The following IGSF10 variants were observed in gnomAD, a reference collection of about 807,000 sequenced individuals.
The protein encoded by IGSF10 is calvaria mechanical force protein 608.
IGSF10 carries 126 observed loss-of-function variants against 128.2 expected under a neutral mutation model. That is an observed-to-expected ratio of 0.98 (90% confidence interval 0.85 to 1.14). IGSF10 has a LOEUF of 1.14. Ranked by LOEUF, IGSF10 falls within the 50% of genes most tolerant of loss-of-function variation. The probability of loss-of-function intolerance (pLI) is 0.00; values close to 1 mark genes in which losing one functional copy is unlikely to be tolerated. For missense variants in IGSF10, 3,295 were observed against 3,149.8 expected (o/e 1.05, Z -1.10); for synonymous variants, 1,185 against 1,146.2 (o/e 1.03, Z -0.68).
chr3:151,513,703 A>T, the IGSF10 span, among the ~76,000 whole-genome samples: 1 of 152,226 alleles, frequency 6.6e-6, no homozygotes, highest in African/African-American at 2.4e-5. Flanking sequence ...AGATGACATG[A>T]TTGTATATCT....
the IGSF10 span, among the ~76,000 whole-genome samples, chr3:151,600,647 T>C: frequency 6.6e-6 from 1 of 152,238 alleles, no homozygotes; most frequent in Middle Eastern, 3.4e-3. Context: ...GTGCAGGGCA[T>C]TTGTGTATTT....
At chr3:151,442,899 C>T (rs1720942721) in intron 7 of IGSF10, 85 bp downstream of exon 7, 3 of 1,239,526 alleles carry the variant, frequency 2.4e-6, no homozygotes, top group African/African-American at 3.0e-5. Context: ...CTGCTGCTAG[C>T]CTCACTGTGT....
At position 151,449,048 on chromosome 3, in the gene IGSF10, T is replaced by G; in HGVS notation, c.933A>C (p.Ala311=). 6.2e-7 allele frequency: 1 copy of G among 1,614,162 alleles called. No individual in the cohort carries two copies. The highest frequency in any genetic ancestry group is 8.5e-7 in the Non-Finnish European group (1 of 1,180,022). The part of the protein sequence containing the change: ...SAFISPQGFM[A]PFGSLTLNMT... ...TATTCAAAGTGAGGGAGCCAAAGGG[T>G]GCCATGAAACCTTGGGGAGAGATGA... The change falls in exon 6 of 8, where the codon GCA becomes GCC. Residue 311 remains alanine (A), a synonymous_variant. Transcript: ENST00000282466.
chr3:151,505,949 C>CTTTT, the IGSF10 span, among the ~76,000 whole-genome samples: 9 of 12,656 alleles, frequency 7.1e-4, no homozygotes, highest in Admixed American at 1.3e-3. Context: ...CTTCTTCTTC[C>CTTTT]TTTTTTTTTT....
At chr3:151,555,910 C>T in the IGSF10 span, among the ~76,000 whole-genome samples, 8 of 152,152 alleles carry the variant, frequency 5.3e-5, 1 homozygote, top group South Asian at 2.1e-4. Flanking sequence ...TTAGTAATTA[C>T]GCCTCTGTAA....
Position 151,443,702 on chromosome 3 carries a change from C to G in IGSF10, c.5245G>C (p.Glu1749Gln), listed in dbSNP as rs1388845759. Residue 1749 changes from glutamate to glutamine, a missense_variant, in exon 7 of 8, where the codon GAG becomes CAG. Glu to Gln is a conservative substitution (Grantham distance 29). Transcript: ENST00000282466. Reference sequence around the variant, plus strand: ...ACTGTGATCTCTTTGGTACGTCTCTCCAGGATCCTGGGAGGATAGGAAACC... The same window carrying G: ...ACTGTGATCTCTTTGGTACGTCTCTGCAGGATCCTGGGAGGATAGGAAACC... The part of the protein sequence containing the change: ...SVVSYPPRIL[E>Q]RRTKEITVHS... The G allele has an allele frequency of 1.2e-6, 2 of 1,614,040 alleles. No individual in the cohort carries two copies. The highest frequency in any genetic ancestry group is 1.3e-5 in the African/African-American group (1 of 74,908).
rs779635861 is a variant in IGSF10, at chr3:151,443,285, G to C, written c.5662C>G (p.Gln1888Glu). Residue 1888 changes from glutamine to glutamate, a missense_variant, in exon 7 of 8, where the codon CAG (glutamine) becomes GAG (glutamate). By Grantham distance (29) the Gln-to-Glu change is conservative. Transcript: ENST00000282466. ...LSDGTEVKPL[Q>E]FTNSKLFLFS... ...AAGAACAACTTGGAATTGGTAAACT[G>C]TAATGGTTTCACTTCAGTGCCATCA... is the stretch of plus-strand genomic sequence containing the variant. The C allele has an allele frequency of 3.8e-5, 61 of 1,613,420 alleles. No individual in the cohort carries two copies. Among genetic ancestry groups the C allele is most frequent in the Non-Finnish European group, 4.3e-5 (51 of 1,179,660 alleles).
the IGSF10 span, among the ~76,000 whole-genome samples, chr3:151,523,181 G>A: frequency 1.3e-5 from 2 of 152,032 alleles, no homozygotes; most frequent in Admixed American, 6.6e-5. Context: ...ACAAACTAAT[G>A]GAAACACATC....
the IGSF10 span, among the ~76,000 whole-genome samples, chr3:151,552,054 G>A: frequency 3.3e-5 from 5 of 152,120 alleles, no homozygotes; most frequent in Admixed American, 3.3e-4. Context: ...CTGGTGGGAG[G>A]TGATTGGGTC....
At chr3:151,432,640 TTC>T (rs1719665376), downstream of IGSF10, 1 of 777,442 alleles carries the variant, frequency 1.3e-6, no homozygotes, top group Non-Finnish European at 2.2e-6. Context: ...TCTCCGGCCA[TTC>T]TGTTTCCCTG....
chr3:151,435,074 TTTTTTTTTC>T, downstream of IGSF10: 1 of 150,894 alleles, frequency 6.6e-6, no homozygotes, highest in East Asian at 1.9e-4. Context: ...TTTTTTTTTT[TTTTTTTTTC>T]TTTTCTTGCA....
chr3:151,593,221 TC>T, the IGSF10 span, among the ~76,000 whole-genome samples: 1 of 151,972 alleles, frequency 6.6e-6, no homozygotes, highest in Non-Finnish European at 1.5e-5. Flanking sequence ...GCCTTGATTC[TC>T]CCACCTCAGC....
the IGSF10 span, among the ~76,000 whole-genome samples, chr3:151,528,651 G>A: frequency 6.4e-4 from 98 of 152,282 alleles, no homozygotes; most frequent in African/African-American, 2.1e-3. Context: ...AGACTGTACC[G>A]GGAGGAATGG....
At position 151,457,062 on chromosome 3, in the gene IGSF10, G is replaced by A. The variant is rs776243261; in HGVS notation, c.288C>T (p.Ile96=). The part of the protein sequence containing the change: ...LMLHSNGIHT[I]PDKTFSDLQA... ...GCAAATCTGAGAAGGTCTTGTCAGG[G>A]ATTGTGTGAATGCCATTGCTGTGAA... The change falls in exon 4 of 8, where the codon ATC becomes ATT. Residue 96 remains isoleucine (I), a synonymous_variant. Coordinates refer to ENST00000282466, the MANE Select transcript of IGSF10 (RefSeq NM_178822.5). The A allele has an allele frequency of 1.2e-6, 2 of 1,614,170 alleles. No individual in the cohort carries two copies. Among genetic ancestry groups the A allele is most frequent in the East Asian group, 4.5e-5 (2 of 44,876 alleles).
At chr3:151,574,664 A>G in the IGSF10 span, among the ~76,000 whole-genome samples, 39 of 152,284 alleles carry the variant, frequency 2.6e-4, no homozygotes, top group Admixed American at 7.2e-4. Flanking sequence ...GGGTTCGAAC[A>G]TCCTCCTTTA....
the IGSF10 span, among the ~76,000 whole-genome samples, chr3:151,481,857 C>T: frequency 1.3e-5 from 2 of 152,114 alleles, no homozygotes; most frequent in Non-Finnish European, 1.5e-5. Flanking sequence ...AGTCCTTACC[C>T]TAATAACTTA....
the IGSF10 span, among the ~76,000 whole-genome samples, chr3:151,581,172 G>A: frequency 6.6e-6 from 1 of 152,088 alleles, no homozygotes; most frequent in South Asian, 2.1e-4. Context: ...AAAGTAGTCT[G>A]CCACGAAATT....
the IGSF10 span, among the ~76,000 whole-genome samples, chr3:151,571,927 T>G: frequency 6.6e-6 from 1 of 152,234 alleles, no homozygotes; most frequent in Admixed American, 6.5e-5. Flanking sequence ...GTTTTTAGCA[T>G]GAAGGGCTGT....
At chr3:151,598,069 T>TGG in the IGSF10 span, among the ~76,000 whole-genome samples, 20 of 105,680 alleles carry the variant, frequency 1.9e-4, no homozygotes, top group African/African-American at 7.4e-4. Flanking sequence ...AAATGAGTAC[T>TGG]GGTGTGTGTG....
Sources: allele counts gnomAD v4.1 joint callset (sites outside exome capture counted in the v4.1 genomes callset), GRCh38; gene constraint gnomAD v4.1.1; transcripts MANE v1.5; gene names NCBI Gene and HGNC (gene_info 2026-07-23, HGNC 2026-07-21).